NAV3: variants seen among roughly 807,000 people sequenced by gnomAD.
The protein encoded by NAV3 is neuron navigator 3, also known as pore membrane and/or filament interacting like protein 1.
In NAV3, 87 loss-of-function variants were observed where a neutral mutation model predicts 244.7. The ratio of observed to expected loss-of-function variants is 0.36; its 90% CI spans 0.30 to 0.42. NAV3 has a LOEUF of 0.42. NAV3 is among the 20% of genes least tolerant of loss of function. NAV3 has a pLI of 1.00. For missense variants in NAV3, 2,663 were observed against 2,893.3 expected, an observed-to-expected ratio of 0.92 and a Z score of 1.83; for synonymous variants, 1,126 against 1,042.2, an observed-to-expected ratio of 1.08 and a Z score of -1.55.
At chr12:78,061,106 T>C (rs928041499) in intron 12 of NAV3, among the ~76,000 whole-genome samples, 3 of 152,170 alleles carry the variant, frequency 2.0e-5, no homozygotes, top group African/African-American at 7.2e-5. Context: ...TGAAACTTCA[T>C]AGAAAGACAG....
chr12:77,881,419 A>G (rs1592881842), intron 1 of NAV3, among the ~76,000 whole-genome samples: 2 of 152,200 alleles, frequency 1.3e-5, no homozygotes, highest in East Asian at 3.9e-4. Context: ...CTCAGCATTC[A>G]TAGAAAATAA....
chr12:77,653,172 T>C (rs1159174589), intron 2 of NAV3, among the ~76,000 whole-genome samples: 2 of 152,230 alleles, frequency 1.3e-5, no homozygotes, highest in Non-Finnish European at 2.9e-5. Flanking sequence ...GAGAATGGTA[T>C]GTTCTAAGCT....
intron 2 of NAV3, among the ~76,000 whole-genome samples, chr12:77,628,112 C>T (rs919574794): frequency 6.6e-6 from 1 of 152,124 alleles, no homozygotes; most frequent in Non-Finnish European, 1.5e-5. Context: ...CTATAGTTAA[C>T]AGTATTTTGT....
rs1955867256 is a variant in NAV3, at chr12:78,125,460, C to G, written c.4239-1707C>G. ...TGGTGGCCATTGAGCCATAACTAGTCTATATTTGTTTTGGGTTTTGTTTCA... is the reference window on the plus strand; with the variant it reads ...TGGTGGCCATTGAGCCATAACTAGTGTATATTTGTTTTGGGTTTTGTTTCA... On this transcript the variant is annotated intron_variant, in intron 16 of 39. Transcript: ENST00000397909. 2.0e-5 allele frequency among the ~76,000 whole-genome samples: 3 copies of G among 152,244 alleles called. 1 individual carries two copies. The highest frequency in any genetic ancestry group is 3.4e-3 in the Middle Eastern group (1 of 294).
chr12:78,080,319 T>C (rs1171973830), intron 12 of NAV3, among the ~76,000 whole-genome samples: 1 of 152,212 alleles, frequency 6.6e-6, no homozygotes, highest in Non-Finnish European at 1.5e-5. Context: ...ATTCTCTCGT[T>C]TTCCAAAGAT....
chr12:78,000,004 T>C (rs1478737644), intron 7 of NAV3, among the ~76,000 whole-genome samples: 1 of 152,194 alleles, frequency 6.6e-6, no homozygotes, highest in Non-Finnish European at 1.5e-5. Flanking sequence ...TGTTTGTAAA[T>C]AGACTTAGAA....
In NAV3 at chr12:78,139,926, T is replaced by G. The variant is rs191218539; in HGVS notation, c.4631-356T>G. Among the ~76,000 whole-genome samples the G allele has an allele frequency of 2.0e-5, 3 of 152,254 alleles. No individual in the cohort carries two copies. In the East Asian group the frequency reaches 5.8e-4, roughly 29 times the overall value. On this transcript the variant is annotated intron_variant, in intron 19 of 39. Transcript: ENST00000397909. ...ATGAAATAAATAAGGTACATACATT[T>G]TTTAAGGTTCGAAAGTTTATGGCAA...
chr12:78,114,399 G>A (rs1244221097), intron 12 of NAV3, among the ~76,000 whole-genome samples: 1 of 152,072 alleles, frequency 6.6e-6, no homozygotes, highest in Non-Finnish European at 1.5e-5. Context: ...CCAAGGCTGG[G>A]TAGTTTATAA....
chr12:77,839,799 G>T (rs1306170265), intron 1 of NAV3, among the ~76,000 whole-genome samples: 1 of 152,168 alleles, frequency 6.6e-6, no homozygotes, highest in Non-Finnish European at 1.5e-5. Context: ...GTTAAGCATG[G>T]TGGCTCACAC....
intron 2 of NAV3, among the ~76,000 whole-genome samples, chr12:77,670,806 C>T (rs1873934661): frequency 6.6e-6 from 1 of 152,018 alleles, no homozygotes; most frequent in South Asian, 2.1e-4. Context: ...TAAATGCCAT[C>T]CGTGACAAAC....
intron 1 of NAV3, among the ~76,000 whole-genome samples, chr12:77,885,724 T>C (rs946515683): frequency 4.6e-5 from 7 of 152,092 alleles, no homozygotes; most frequent in African/African-American, 1.7e-4. Flanking sequence ...TACATTAGAG[T>C]GTCCACATTC....
chr12:77,728,425 A>G (rs189944155), intron 2 of NAV3, among the ~76,000 whole-genome samples: 4 of 152,154 alleles, frequency 2.6e-5, no homozygotes, highest in African/African-American at 9.6e-5. Flanking sequence ...CTATTTCTGT[A>G]ACTCCAGTGA....
intron 2 of NAV3, among the ~76,000 whole-genome samples, chr12:77,804,339 A>G (rs1871861785): frequency 6.6e-6 from 1 of 151,892 alleles, no homozygotes. Context: ...GTGTAAGTTT[A>G]TATATTTGTA....
chr12:77,853,843 A>G (rs1042336059), intron 1 of NAV3, among the ~76,000 whole-genome samples: 3 of 152,192 alleles, frequency 2.0e-5, no homozygotes, highest in Non-Finnish European at 1.5e-5. Context: ...TCTCTCTGTT[A>G]GTTCCACTTA....
At chr12:78,095,061 A>T (rs951278889) in intron 12 of NAV3, among the ~76,000 whole-genome samples, 1 of 111,858 alleles carries the variant, frequency 8.9e-6, no homozygotes, top group African/African-American at 2.8e-5. Context: ...ATATATATAT[A>T]TATACACACA....
At chr12:77,791,667 T>C (rs537812187) in intron 2 of NAV3, among the ~76,000 whole-genome samples, 1 of 152,298 alleles carries the variant, frequency 6.6e-6, no homozygotes, top group Middle Eastern at 3.4e-3. Context: ...GGCCTAACAC[T>C]CCTTACATCT....
At position 77,763,883 on chromosome 12, in the gene NAV3, G is replaced by A. The variant is rs1869613673; in HGVS notation, c.73-176436G>A. ...GAATTTAAAACACCCCATCCAGATA[G>A]TACTACAGATTTTGGCTGGTCCAGC... On this transcript the variant is annotated intron_variant, in intron 2 of 8. Transcript: ENST00000550042. Among the ~76,000 whole-genome samples, 2 of 152,188 alleles carry A rather than the reference G, an allele frequency of 1.3e-5. 1 individual carries two copies. The highest frequency in any genetic ancestry group is 4.1e-4 in the South Asian group (2 of 4,830).
In NAV3 at chr12:77,984,760, G is replaced by A. The variant is rs555685253; in HGVS notation, c.672-10043G>A. ...TATCATTTCTTCACATCTGCAAAAT[G>A]CTTTTGTTTCTCTTTCCAAACTTGA... On this transcript the variant is annotated intron_variant, in intron 5 of 39. Coordinates refer to ENST00000397909, the MANE Select transcript of NAV3 (RefSeq NM_001024383.2). 5.3e-5 allele frequency among the ~76,000 whole-genome samples: 8 copies of A among 152,130 alleles called. No individual in the cohort carries two copies. The South Asian group carries it at 1.7e-3, about 32-fold the overall frequency.
intron 12 of NAV3, among the ~76,000 whole-genome samples, chr12:78,077,528 T>C (rs373330366): frequency 3.3e-5 from 5 of 152,220 alleles, no homozygotes; most frequent in East Asian, 3.8e-4. Flanking sequence ...CTGACTCCCA[T>C]GGTGGTGAAA....
Sources: allele counts gnomAD v4.1 joint callset (sites outside exome capture counted in the v4.1 genomes callset), GRCh38; gene constraint gnomAD v4.1.1; transcripts MANE v1.5; gene names NCBI Gene and HGNC (gene_info 2026-07-23, HGNC 2026-07-21).